Variants in LRRC34 observed in about 807,000 individuals in gnomAD.
The protein encoded by LRRC34 is leucine rich repeat containing 34.
Under a neutral mutation model 48.5 loss-of-function variants are expected in LRRC34, and 44 were observed. The ratio of observed to expected loss-of-function variants is 0.91; its 90% CI spans 0.71 to 1.17. The LOEUF is 1.17. Ranked by LOEUF, LRRC34 falls within the 50% of genes most tolerant of loss-of-function variation. LRRC34 has a pLI of 0.00. For missense variants in LRRC34, 502 were observed against 563.0 expected (o/e 0.89, Z 1.10); for synonymous variants, 192 against 197.6 (o/e 0.97, Z 0.24).
chr3:169,804,301 A>G (rs1779298679), intron 5 of LRRC34, 120 bp from the exon 6 acceptor site: 1 of 803,158 alleles, frequency 1.2e-6, no homozygotes, highest in Non-Finnish European at 1.8e-6. Context: ...AGAACACGAT[A>G]TATATTTTTT....
chr3:169,793,570 T>A lies in LRRC34; in HGVS notation c.*65A>T. 8.7e-7 allele frequency: 1 copy of A among 1,145,642 alleles called. No individual in the cohort carries two copies. The highest frequency in any genetic ancestry group is 1.3e-6 in the Non-Finnish European group (1 of 791,460). 71.0% of individuals were successfully genotyped at this position (1,145,642 alleles called of 1,614,324 possible). On this transcript the variant is annotated 3_prime_UTR_variant, in exon 11 of 11. Coordinates refer to ENST00000446859, the MANE Select transcript of LRRC34 (RefSeq NM_001172779.2). Reference sequence around the variant, plus strand: ...TTTTAATTTATAAAAGAAAATAGGCTATAGAATATTAATCTCTGTGAAACA... The same window carrying A: ...TTTTAATTTATAAAAGAAAATAGGCAATAGAATATTAATCTCTGTGAAACA...
chr3:169,794,815 AGTTG>A (rs1000644681), intron 10 of LRRC34: 20 of 152,356 alleles, frequency 1.3e-4, no homozygotes, highest in African/African-American at 4.8e-4. Context: ...TTAAAAGTCA[AGTTG>A]GTTTTTGCTT....
At chr3:169,806,219 G>C (rs1779367110) in intron 5 of LRRC34, among the ~76,000 whole-genome samples, 1 of 152,130 alleles carries the variant, frequency 6.6e-6, no homozygotes, top group South Asian at 2.1e-4. Context: ...TAGGACACGT[G>C]GATATACACA....
In LRRC34 at chr3:169,804,396, C is replaced by A. The variant is rs545127601; in HGVS notation, c.529-215G>T. On this transcript the variant is annotated intron_variant, in intron 5 of 10. Coordinates refer to ENST00000446859, the MANE Select transcript of LRRC34 (RefSeq NM_001172779.2). Reference sequence around the variant, plus strand: ...ATGCAAACTCCACCTCCTGGGTTCACAGCATTCTCCTGCCTCAGCCTCCCA... The same window carrying A: ...ATGCAAACTCCACCTCCTGGGTTCAAAGCATTCTCCTGCCTCAGCCTCCCA... Among the ~76,000 whole-genome samples the A allele has an allele frequency of 3.9e-5, 6 of 152,148 alleles. No homozygotes were observed. The South Asian group carries it at 1.0e-3, about 26-fold the overall frequency.
At position 169,793,404 on chromosome 3, in the gene LRRC34, C is replaced by T. The variant is rs1778864583; in HGVS notation, c.*231G>A. ...AAGAAATTTAGTCTAGTTCCTTGGTCTCTTTCTCCAGGGTTAGAATTTTAG... is the reference window on the plus strand; with the variant it reads ...AAGAAATTTAGTCTAGTTCCTTGGTTTCTTTCTCCAGGGTTAGAATTTTAG... On this transcript the variant is annotated 3_prime_UTR_variant, in exon 11 of 11. Coordinates refer to ENST00000446859, the MANE Select transcript of LRRC34 (RefSeq NM_001172779.2). 1 of 383,404 alleles carries T rather than the reference C, an allele frequency of 2.6e-6. No homozygotes were observed. Among genetic ancestry groups the T allele is most frequent in the Non-Finnish European group, 4.6e-6 (1 of 216,992 alleles). 23.8% of individuals were successfully genotyped at this position (383,404 alleles called of 1,614,324 possible).
chr3:169,799,022 T>C (rs1464211975), intron 7 of LRRC34, among the ~76,000 whole-genome samples: 1 of 152,234 alleles, frequency 6.6e-6, no homozygotes, highest in African/African-American at 2.4e-5. Context: ...GAATGAATCA[T>C]GAGTGAAGCA....
intron 1 of LRRC34, among the ~76,000 whole-genome samples, chr3:169,811,743 C>T (rs977034809): frequency 1.3e-5 from 2 of 152,184 alleles, no homozygotes; most frequent in African/African-American, 4.8e-5. Flanking sequence ...TATCCAGAAT[C>T]CGCAGTGTGT....
intron 8 of LRRC34, 22 bp from the exon 9 acceptor site, chr3:169,796,391 T>C (rs1180870750): frequency 1.3e-6 from 2 of 1,586,662 alleles, no homozygotes; most frequent in East Asian, 4.6e-5. Flanking sequence ...AAAATAGTTA[T>C]ATTTGAAAAT....
At chr3:169,810,958 G>T (rs895744003) in intron 1 of LRRC34, among the ~76,000 whole-genome samples, 1 of 152,212 alleles carries the variant, frequency 6.6e-6, no homozygotes, top group Non-Finnish European at 1.5e-5. Context: ...CAGCTACTTC[G>T]GAGGCTGAGG....
intron 8 of LRRC34, 26 bp from the exon 9 acceptor site, chr3:169,796,395 T>A: frequency 6.3e-7 from 1 of 1,584,920 alleles, no homozygotes; most frequent in Non-Finnish European, 8.5e-7. Flanking sequence ...TAGTTATATT[T>A]GAAAATATGA....
rs1475423836 is a variant in LRRC34 at position 169,796,222 on chromosome 3, A to G, written c.1056T>C (p.Ser352=). Residue 352 remains serine (S), a synonymous_variant, in exon 9 of 11, where the codon AGT becomes AGC. Transcript: ENST00000446859. The stretch of plus-strand genomic sequence containing the variant: ...TATAAAACCATACTAACGCTTTAAG[A>G]CTCCTGTTGTGTGAAGTAAGAGTTT... ...LSETLTSHNR[S]LKALSVVSNN... 1 of 1,600,044 alleles carries G rather than the reference A, an allele frequency of 6.2e-7. No individual in the cohort carries two copies. The highest frequency in any genetic ancestry group is 1.4e-5 in the African/African-American group (1 of 73,958).
rs9878797 is a variant in LRRC34 at position 169,812,170 on chromosome 3, A to T, written c.139+240T>A. 6.7e-6 allele frequency among the ~76,000 whole-genome samples: 1 copy of T among 149,900 alleles called. No homozygotes were observed. Among genetic ancestry groups the T allele is most frequent in the South Asian group, 2.1e-4 (1 of 4,726 alleles). ...ATCGCGCAAAGGGCGGACCCACGGGAACTCCTCTCCGTGGACTCCTCTCCT... is the reference window on the plus strand; with the variant it reads ...ATCGCGCAAAGGGCGGACCCACGGGTACTCCTCTCCGTGGACTCCTCTCCT... On this transcript the variant is annotated intron_variant, in intron 1 of 10. Coordinates refer to ENST00000446859, the MANE Select transcript of LRRC34 (RefSeq NM_001172779.2). This position sits in a 1 kb window ranked among gnomAD's most constrained non-coding sequence, Gnocchi z 4.3.
At position 169,812,269 on chromosome 3, in the gene LRRC34, A is replaced by T; in HGVS notation, c.139+141T>A. ...CTGGGCGCCCCAAACCTCTGGCCAC[A>T]GCTGGGGTTCCCAGGGGCCCCCCTC... On this transcript the variant is annotated intron_variant, in intron 1 of 10. Coordinates refer to ENST00000446859, the MANE Select transcript of LRRC34 (RefSeq NM_001172779.2). This position sits in a 1 kb window ranked among gnomAD's most constrained non-coding sequence, Gnocchi z 4.3. 1 of 1,165,870 alleles carries T rather than the reference A, an allele frequency of 8.6e-7. No homozygotes were observed. Among genetic ancestry groups the T allele is most frequent in the Non-Finnish European group, 1.1e-6 (1 of 872,802 alleles). The allele number at this position is 1,165,870 out of a possible 1,614,324, so 72.2% of individuals were successfully genotyped here.
At position 169,795,598 on chromosome 3, in the gene LRRC34, T is replaced by C; in HGVS notation, c.1078A>G (p.Ser360Gly). The C allele has an allele frequency of 6.2e-7, 1 of 1,611,280 alleles. No homozygotes were observed. The highest frequency in any genetic ancestry group is 8.5e-7 in the Non-Finnish European group (1 of 1,178,168). ...AGTCCTTCTCCCTCTATGTTGTTGC[T>C]GACTACTGACAACCTGAAACCAATA... ...NRSLKALSVV[S>G]NNIEGEGLVA... is the part of the protein sequence containing the mutation. The change falls in exon 10 of 11, where the codon AGC becomes GGC. Residue 360 changes from serine (S) to glycine (G), a missense_variant. Coordinates refer to ENST00000446859, the MANE Select transcript of LRRC34 (RefSeq NM_001172779.2).
At position 169,812,679 on chromosome 3, in the gene LRRC34, C is replaced by A. The variant is rs1457322908; in HGVS notation, c.-131G>T. On this transcript the variant is annotated 5_prime_UTR_variant, in exon 1 of 11. Transcript: ENST00000446859. The surrounding 1 kb of genome is among the most constrained non-coding windows in gnomAD (Gnocchi z 4.3). ...GAGGCCTCACTGCTAAGGCAGTGAC[C>A]GCCTACTCTGTGGAGGTCCTTTGTC... The A allele has an allele frequency of 4.0e-6, 5 of 1,262,682 alleles. No individual in the cohort carries two copies. Among genetic ancestry groups the A allele is most frequent in the East Asian group, 6.1e-5 (2 of 32,678 alleles). 78.2% of individuals were successfully genotyped at this position (1,262,682 alleles called of 1,614,324 possible). A position where few individuals can be genotyped will look rare whatever the true frequency, so the allele number is the denominator to read the frequency against.
At chr3:169,793,994 T>C (rs972171295) in intron 10 of LRRC34, 156 bp from the exon 11 acceptor site, 16 of 543,698 alleles carry the variant, frequency 2.9e-5, no homozygotes, top group Non-Finnish European at 4.7e-5. Context: ...TTTCCAGGTA[T>C]TGTAAATAGA....
intron 6 of LRRC34, 125 bp from the exon 7 acceptor site, chr3:169,800,879 C>T: frequency 1.5e-6 from 1 of 645,654 alleles, no homozygotes. Context: ...ATTCCTTGGA[C>T]TTTGAATTGT....
intron 9 of LRRC34, 24 bp downstream of exon 9, chr3:169,796,190 G>T: frequency 1.3e-6 from 2 of 1,560,826 alleles, no homozygotes; most frequent in South Asian, 2.5e-5. Flanking sequence ...CTGTTATTTT[G>T]ATTAAATATA....
chr3:169,793,959 G>A, intron 10 of LRRC34, 121 bp from the exon 11 acceptor site: 1 of 595,378 alleles, frequency 1.7e-6, no homozygotes. Flanking sequence ...AAAATATTCT[G>A]AATAACATTG....
Sources: gnomAD v4.1 joint callset for allele counts (sites outside exome capture counted in the v4.1 genomes callset) on GRCh38, gnomAD v4.1.1 for gene constraint, Gnocchi (gnomAD v3.1) non-coding constraint, MANE v1.5 for transcripts, NCBI Gene and HGNC (gene_info 2026-07-23, HGNC 2026-07-21) for gene names.